Variants in HS3ST4 observed in about 807,000 individuals in gnomAD.
HS3ST4 encodes the protein heparan sulfate glucosamine 3-O-sulfotransferase 4.
A neutral mutation model predicts 29.2 loss-of-function variants in HS3ST4; 17 were observed. The ratio of observed to expected loss-of-function variants is 0.58; its 90% CI spans 0.40 to 0.87. The LOEUF is 0.87. Ranked by LOEUF, HS3ST4 falls within the 40% of genes least tolerant of loss-of-function variation. The pLI is 0.00. For missense variants in HS3ST4, 627 were observed against 634.5 expected, an observed-to-expected ratio of 0.99 and a Z score of 0.13; for synonymous variants, 314 against 285.7, an observed-to-expected ratio of 1.10 and a Z score of -1.00.
At chr16:25,731,043 C>G (rs938235519) in intron 1 of HS3ST4, among the ~76,000 whole-genome samples, 4 of 152,214 alleles carry the variant, frequency 2.6e-5, no homozygotes. Flanking sequence ...CTCACCTAGG[C>G]AGCGCTTGAT....
At chr16:26,005,641 C>G (rs1969251000) in intron 1 of HS3ST4, among the ~76,000 whole-genome samples, 1 of 151,250 alleles carries the variant, frequency 6.6e-6, no homozygotes, top group Non-Finnish European at 1.5e-5. Flanking sequence ...ACAAGGCAAA[C>G]CAAATGAGAA....
intron 1 of HS3ST4, among the ~76,000 whole-genome samples, chr16:25,973,163 C>A (rs1312096256): frequency 6.6e-6 from 1 of 152,160 alleles, no homozygotes; most frequent in African/African-American, 2.4e-5. Context: ...ATGCAGAGCT[C>A]TAAGGTCCTG....
chr16:25,813,491 G>C (rs1967063144), intron 1 of HS3ST4, among the ~76,000 whole-genome samples: 1 of 152,148 alleles, frequency 6.6e-6, no homozygotes, highest in Non-Finnish European at 1.5e-5. Context: ...CAGCTACTTG[G>C]GAGGCTGAGG....
intron 1 of HS3ST4, among the ~76,000 whole-genome samples, chr16:26,046,145 A>ATTTTTTTTTTTTTTTTTTTTTTTTTTTTT: frequency 8.7e-6 from 1 of 114,638 alleles, no homozygotes; most frequent in African/African-American, 3.6e-5. Flanking sequence ...AGGACAGGAA[A>ATTTTTTTTTTTTTTTTTTTTTTTTTTTTT]TTTTTTTTTT....
chr16:26,058,439 G>A (rs1378375466), intron 1 of HS3ST4, among the ~76,000 whole-genome samples: 1 of 152,188 alleles, frequency 6.6e-6, no homozygotes, highest in Non-Finnish European at 1.5e-5. Context: ...GAGCTAAAGA[G>A]GCCAGCAGGA....
At position 25,999,684 on chromosome 16, in the gene HS3ST4, A is replaced by C. The variant is rs559366917; in HGVS notation, c.735-135928A>C. On this transcript the variant is annotated intron_variant, in intron 1 of 1. Transcript: ENST00000331351. ...TTTTCCTCTGAGGACTACTTTAGACACATACTATGGGTTCTCAAAAATTCA... is the reference window on the plus strand; with the variant it reads ...TTTTCCTCTGAGGACTACTTTAGACCCATACTATGGGTTCTCAAAAATTCA... Among the ~76,000 whole-genome samples the C allele has an allele frequency of 8.2e-4, 121 of 148,014 alleles. 1 individual carries two copies. The highest frequency in any genetic ancestry group is 4.4e-3 in the South Asian group (21 of 4,754).
At chr16:25,771,279 A>G (rs770805587) in intron 1 of HS3ST4, among the ~76,000 whole-genome samples, 1 of 152,108 alleles carries the variant, frequency 6.6e-6, no homozygotes, top group Non-Finnish European at 1.5e-5. Flanking sequence ...AACAGCCAGG[A>G]TTTGAACCAG....
intron 1 of HS3ST4, among the ~76,000 whole-genome samples, chr16:25,891,888 AT>A (rs1417002397): frequency 6.6e-6 from 1 of 152,230 alleles, no homozygotes; most frequent in East Asian, 1.9e-4. Flanking sequence ...TGGGTGAGTC[AT>A]TTAAACTCTG....
chr16:25,928,107 G>A (rs1019666170), intron 1 of HS3ST4, among the ~76,000 whole-genome samples: 1 of 150,852 alleles, frequency 6.6e-6, no homozygotes, highest in Non-Finnish European at 1.5e-5. Flanking sequence ...GAGGCAGGAG[G>A]ATTGCTTGCA....
At chr16:25,881,593 G>T (rs1208006780) in intron 1 of HS3ST4, among the ~76,000 whole-genome samples, 1 of 152,170 alleles carries the variant, frequency 6.6e-6, no homozygotes, top group Non-Finnish European at 1.5e-5. Flanking sequence ...GCTGCTTCTT[G>T]GTGTTTGGCA....
intron 1 of HS3ST4, among the ~76,000 whole-genome samples, chr16:26,011,732 T>TGC (rs1181402243): frequency 6.6e-6 from 1 of 151,348 alleles, no homozygotes; most frequent in Non-Finnish European, 1.5e-5. Flanking sequence ...GGTGTGTGTG[T>TGC]GTGTGTGCAT....
chr16:26,126,912 C>A (rs1007137590), intron 1 of HS3ST4, among the ~76,000 whole-genome samples: 2 of 152,054 alleles, frequency 1.3e-5, no homozygotes, highest in African/African-American at 4.8e-5. Flanking sequence ...GCTCTAACAT[C>A]TTTTTTAGTC....
chr16:25,779,892 G>A (rs1966851110), intron 1 of HS3ST4, among the ~76,000 whole-genome samples: 1 of 152,200 alleles, frequency 6.6e-6, no homozygotes, highest in African/African-American at 2.4e-5. Flanking sequence ...AGCTGGCTTG[G>A]CATCTTGGCA....
chr16:26,095,566 A>G (rs1898913344), intron 1 of HS3ST4, among the ~76,000 whole-genome samples: 1 of 152,248 alleles, frequency 6.6e-6, no homozygotes. Context: ...CTTTGAAACC[A>G]GTGAGAACAA....
intron 1 of HS3ST4, among the ~76,000 whole-genome samples, chr16:26,004,045 G>T (rs1046320944): frequency 6.6e-6 from 1 of 152,078 alleles, no homozygotes; most frequent in African/African-American, 2.4e-5. Flanking sequence ...GTTTGTTCAT[G>T]TGTATTTCTA....
At chr16:25,831,396 T>TACACACACACACACACAC (rs58851793) in intron 1 of HS3ST4, among the ~76,000 whole-genome samples, 4 of 126,074 alleles carry the variant, frequency 3.2e-5, no homozygotes, top group East Asian at 2.6e-4. Context: ...ACCCCGTCTC[T>TACACACACACACACACAC]ACACACACAC....
At chr16:25,777,813 T>C (rs1462205342) in intron 1 of HS3ST4, among the ~76,000 whole-genome samples, 1 of 152,042 alleles carries the variant, frequency 6.6e-6, no homozygotes, top group Admixed American at 6.6e-5. Context: ...AAGAAATATG[T>C]TGTACTGAAA....
intron 1 of HS3ST4, among the ~76,000 whole-genome samples, chr16:25,914,211 G>T (rs1171260674): frequency 4.0e-5 from 6 of 149,542 alleles, no homozygotes; most frequent in African/African-American, 7.4e-5. Context: ...TGTGTGTAGG[G>T]TGTGGTGTGT....
chr16:26,008,608 C>T (rs974185658), intron 1 of HS3ST4, among the ~76,000 whole-genome samples: 1 of 152,176 alleles, frequency 6.6e-6, no homozygotes, highest in African/African-American at 2.4e-5. Flanking sequence ...CACTTGAGGT[C>T]AGGAGTTCAA....
Sources: gnomAD v4.1 joint callset for allele counts (sites outside exome capture counted in the v4.1 genomes callset) on GRCh38, gnomAD v4.1.1 for gene constraint, MANE v1.5 for transcripts, NCBI Gene and HGNC (gene_info 2026-07-23, HGNC 2026-07-21) for gene names.